Variants in VPS13B observed in about 807,000 individuals in gnomAD.
The protein encoded by VPS13B is vacuolar protein sorting 13 homolog B, also known as intermembrane lipid transfer protein VPS13B.
In VPS13B, 285 loss-of-function variants were observed where a neutral mutation model predicts 426.4. The ratio of observed to expected loss-of-function variants is 0.67; its 90% CI spans 0.61 to 0.74. The LOEUF (loss-of-function observed/expected upper bound fraction) is 0.74, where lower values mean the gene tolerates loss of function less well. VPS13B is among the 30% of genes least tolerant of loss of function. The probability of loss-of-function intolerance (pLI) is 0.00; values close to 1 mark genes in which losing one functional copy is unlikely to be tolerated. For synonymous variants in VPS13B, 1,676 were observed against 1,676.4 expected (o/e 1.00, Z 0.01); for missense variants, 4,537 against 4,782.6 (o/e 0.95, Z 1.51).
rs565171937 is a variant in VPS13B at position 99,876,478 on chromosome 8, A to G, written c.*812A>G. The G allele has an allele frequency of 6.6e-6, 1 of 152,372 alleles. No homozygotes were observed. Among genetic ancestry groups the G allele is most frequent in the East Asian group, 1.9e-4 (1 of 5,188 alleles). The allele number at this position is 152,372 out of a possible 1,614,324, so 9.4% of individuals were successfully genotyped here. The stretch of plus-strand genomic sequence containing the variant: ...TTTGTCCTATATTGAATCCAGTCCC[A>G]AAGTGTTCAGGTGAGTTTCTCTAGT... On this transcript the variant is annotated 3_prime_UTR_variant, in exon 62 of 62. Transcript: ENST00000357162.
chr8:99,202,057 A>G (rs1050661574), intron 17 of VPS13B, among the ~76,000 whole-genome samples: 6 of 152,214 alleles, frequency 3.9e-5, no homozygotes, highest in East Asian at 3.8e-4. Context: ...GGAATCATCC[A>G]TCTAAAGATA....
chr8:99,206,287 C>A (rs577807815), intron 17 of VPS13B, among the ~76,000 whole-genome samples: 1 of 152,072 alleles, frequency 6.6e-6, no homozygotes, highest in Non-Finnish European at 1.5e-5. Context: ...AATGGACATT[C>A]GAATCCCTCA....
intron 36 of VPS13B, among the ~76,000 whole-genome samples, chr8:99,701,302 G>C (rs180720062): frequency 6.6e-6 from 1 of 152,302 alleles, no homozygotes; most frequent in East Asian, 1.9e-4. Flanking sequence ...CACTAGGTCT[G>C]TTCCCATGCC....
intron 21 of VPS13B, among the ~76,000 whole-genome samples, chr8:99,400,845 G>GT (rs1814994803): frequency 6.6e-6 from 1 of 151,888 alleles, no homozygotes. Context: ...TACTTTTTGT[G>GT]TTTTTTAGTA....
At chr8:99,672,606 C>G (rs1830761624) in intron 35 of VPS13B, among the ~76,000 whole-genome samples, 1 of 152,046 alleles carries the variant, frequency 6.6e-6, no homozygotes, top group African/African-American at 2.4e-5. Flanking sequence ...AATTTAAATT[C>G]ACCTTTTCCT....
At chr8:99,086,020 G>A (rs1419448322) in intron 3 of VPS13B, among the ~76,000 whole-genome samples, 1 of 152,082 alleles carries the variant, frequency 6.6e-6, no homozygotes, top group Non-Finnish European at 1.5e-5. Flanking sequence ...TGCTAGATTG[G>A]GGAAGTTCTC....
chr8:99,585,849 A>G (rs1826276313), intron 33 of VPS13B, among the ~76,000 whole-genome samples: 1 of 152,216 alleles, frequency 6.6e-6, no homozygotes, highest in Non-Finnish European at 1.5e-5. Flanking sequence ...TTCACCCAGT[A>G]TGCTTCCAAT....
intron 36 of VPS13B, among the ~76,000 whole-genome samples, chr8:99,706,184 T>C (rs1832490016): frequency 6.6e-6 from 1 of 152,014 alleles, no homozygotes. Flanking sequence ...CCGCAACCAA[T>C]AAAGTTAAAT....
chr8:99,657,389 G>A (rs1406385379), intron 34 of VPS13B, among the ~76,000 whole-genome samples: 1 of 151,254 alleles, frequency 6.6e-6, no homozygotes, highest in East Asian at 1.9e-4. Context: ...GTGCTATTTT[G>A]TCTTTAAGTC....
At chr8:99,741,808 G>C (rs886173568) in intron 39 of VPS13B, among the ~76,000 whole-genome samples, 1 of 152,116 alleles carries the variant, frequency 6.6e-6, no homozygotes, top group African/African-American at 2.4e-5. Context: ...CAGAATCTCT[G>C]GGACACATTC....
At chr8:99,829,968 G>T (rs1246571636) in intron 51 of VPS13B, among the ~76,000 whole-genome samples, 1 of 152,190 alleles carries the variant, frequency 6.6e-6, no homozygotes, top group East Asian at 1.9e-4. Flanking sequence ...CCTTCCTCTG[G>T]AAGCTTTATC....
chr8:99,335,211 T>C lies in VPS13B; in HGVS notation c.2825-48997T>C, dbSNP rs189594144. ...TTGGGATCGGTGGTGATATCTCCTT[T>C]ATCATATTTTATTGCGTCTATTTGA... On this transcript the variant is annotated intron_variant, in intron 19 of 61. Transcript: ENST00000357162. 1.5e-3 allele frequency among the ~76,000 whole-genome samples: 224 copies of C among 152,294 alleles called. 1 individual carries two copies. Among genetic ancestry groups the C allele is most frequent in the African/African-American group, 5.2e-3 (214 of 41,552 alleles).
At chr8:99,354,266 C>CCTTT (rs1554749616) in intron 19 of VPS13B, among the ~76,000 whole-genome samples, 1 of 22,172 alleles carries the variant, frequency 4.5e-5, no homozygotes, top group Non-Finnish European at 9.6e-5. Flanking sequence ...CTCCCCCTGC[C>CCTTT]TTTTTTTTTT....
intron 17 of VPS13B, among the ~76,000 whole-genome samples, chr8:99,203,910 A>G (rs1434678258): frequency 1.3e-5 from 2 of 152,226 alleles, no homozygotes; most frequent in African/African-American, 2.4e-5. Flanking sequence ...GGAAGAATCA[A>G]TATCGTGAAA....
At chr8:99,085,953 C>T (rs752238300) in intron 3 of VPS13B, among the ~76,000 whole-genome samples, 15 of 152,082 alleles carry the variant, frequency 9.9e-5, no homozygotes, top group Admixed American at 2.6e-4. Flanking sequence ...TTGCTCTTCT[C>T]GAGGAGTATC....
intron 25 of VPS13B, among the ~76,000 whole-genome samples, chr8:99,484,617 T>C (rs1474166135): frequency 1.3e-5 from 2 of 152,186 alleles, no homozygotes; most frequent in Non-Finnish European, 2.9e-5. Flanking sequence ...TGTTTTCTTA[T>C]GTCATCATTT....
At chr8:99,860,554 TTTC>T (rs758296452) in intron 57 of VPS13B, among the ~76,000 whole-genome samples, 16 of 152,240 alleles carry the variant, frequency 1.1e-4, no homozygotes, top group Non-Finnish European at 1.8e-4. Context: ...CACTTGTTCT[TTTC>T]TTCTCTTAGC....
intron 17 of VPS13B, among the ~76,000 whole-genome samples, chr8:99,209,398 G>T (rs1345557320): frequency 2.0e-5 from 3 of 151,662 alleles, no homozygotes; most frequent in African/African-American, 7.3e-5. Context: ...ATTGGACTTT[G>T]TTGGATTTAT....
intron 30 of VPS13B, among the ~76,000 whole-genome samples, chr8:99,526,201 C>T (rs772433672): frequency 3.9e-5 from 6 of 152,000 alleles, no homozygotes; most frequent in Non-Finnish European, 7.4e-5. Flanking sequence ...CAATTAAGAA[C>T]AAATGGAAGT....
Sources: allele counts gnomAD v4.1 joint callset (sites outside exome capture counted in the v4.1 genomes callset), GRCh38; gene constraint gnomAD v4.1.1; transcripts MANE v1.5; gene names NCBI Gene and HGNC (gene_info 2026-07-23, HGNC 2026-07-21).